The following NSMCE2 variants were observed in gnomAD, a reference collection of about 807,000 sequenced individuals.
NSMCE2 encodes NSE2 SUMO ligase component of SMC5/6 complex.
Under a neutral mutation model 23.8 loss-of-function variants are expected in NSMCE2, and 24 were observed. The observed-to-expected ratio is 1.01, with a 90% CI of 0.73 to 1.42. The LOEUF is 1.42. NSMCE2 is among the 40% of genes most tolerant of loss of function. NSMCE2 has a pLI of 0.00. For missense variants in NSMCE2, 284 were observed against 296.5 expected, an observed-to-expected ratio of 0.96 and a Z score of 0.31; for synonymous variants, 92 against 94.1, an observed-to-expected ratio of 0.98 and a Z score of 0.13.
chr8:125,256,535 TTAAGCTGTAA>T (rs1826424504), intron 5 of NSMCE2, among the ~76,000 whole-genome samples: 1 of 152,016 alleles, frequency 6.6e-6, no homozygotes. Context: ...TAAAGGAGAT[TTAAGCTGTAA>T]GAAAAGATTT....
Position 125,366,864 on chromosome 8 carries a change from A to G in NSMCE2, c.723A>G (p.Lys241=), listed in dbSNP as rs749064735. 1.2e-6 allele frequency: 2 copies of G among 1,608,106 alleles called. No homozygotes were observed. The highest frequency in any genetic ancestry group is 2.2e-5 in the South Asian group (2 of 90,950). The change falls in exon 8 of 8, where the codon AAA becomes AAG. Residue 241 remains lysine, a synonymous_variant. Transcript: ENST00000287437. ...GGGCAATTGAGAACCATAACAAGAAAAGACATCGTCATTCCGAGTAGGAAA... is the reference window on the plus strand; with the variant it reads ...GGGCAATTGAGAACCATAACAAGAAGAGACATCGTCATTCCGAGTAGGAAA... The part of the protein sequence containing the change: ...LRRAIENHNK[K]RHRHSE
At chr8:125,205,826 T>A (rs5007394) in intron 5 of NSMCE2, among the ~76,000 whole-genome samples, 55,644 of 152,000 alleles carry the variant, frequency 0.37, 13,746 homozygotes, top group African/African-American at 0.7. Context: ...AAATATGCTA[T>A]CTCTGATGGT....
chr8:125,106,616 C>T (rs1047331376), intron 3 of NSMCE2, among the ~76,000 whole-genome samples: 13 of 151,260 alleles, frequency 8.6e-5, no homozygotes, highest in East Asian at 1.9e-4. Flanking sequence ...ACCTGGGAGG[C>T]GGAGGTTGCA....
chr8:125,115,439 AT>A (rs1425189908), intron 3 of NSMCE2, among the ~76,000 whole-genome samples: 2 of 152,232 alleles, frequency 1.3e-5, no homozygotes, highest in African/African-American at 2.4e-5. Context: ...TCTTGGAAAT[AT>A]GTGAAAGATG....
At chr8:125,320,238 AGGGAGGG>A (rs1829379331) in intron 5 of NSMCE2, among the ~76,000 whole-genome samples, 5 of 37,932 alleles carry the variant, frequency 1.3e-4, no homozygotes, top group South Asian at 1.3e-3. Context: ...GAGGGAAGGG[AGGGAGGG>A]AGGGAGGGAA....
At chr8:125,330,418 C>T (rs935890272) in intron 5 of NSMCE2, among the ~76,000 whole-genome samples, 7 of 151,998 alleles carry the variant, frequency 4.6e-5, no homozygotes, top group Non-Finnish European at 8.8e-5. Context: ...TCAAGTGATC[C>T]ACCCACCTCG....
intron 5 of NSMCE2, among the ~76,000 whole-genome samples, chr8:125,201,160 G>A (rs1300713302): frequency 6.6e-6 from 1 of 152,220 alleles, no homozygotes; most frequent in African/African-American, 2.4e-5. Context: ...ACCTTCTGAA[G>A]CCTACTTCTG....
intron 4 of NSMCE2, among the ~76,000 whole-genome samples, chr8:125,170,728 C>T (rs1373890881): frequency 6.6e-6 from 1 of 152,008 alleles, no homozygotes; most frequent in African/African-American, 2.4e-5. Flanking sequence ...TTTCTACCTA[C>T]AACATGTATT....
At chr8:125,217,602 G>A (rs1371331869) in intron 5 of NSMCE2, among the ~76,000 whole-genome samples, 2 of 152,022 alleles carry the variant, frequency 1.3e-5, no homozygotes, top group Middle Eastern at 3.2e-3. Context: ...TCCTGACCTC[G>A]TGATCCACCT....
chr8:125,322,026 T>C (rs999641745), intron 5 of NSMCE2, among the ~76,000 whole-genome samples: 9 of 152,212 alleles, frequency 5.9e-5, no homozygotes, highest in South Asian at 2.1e-4. Context: ...TATTTTTTTG[T>C]TTATTTCAAT....
chr8:125,333,735 G>C (rs528927086), intron 5 of NSMCE2, among the ~76,000 whole-genome samples: 51 of 151,680 alleles, frequency 3.4e-4, no homozygotes, highest in African/African-American at 1.2e-3. Context: ...GGATGGTCTC[G>C]ATCTCCTGAC....
chr8:125,270,392 G>T (rs1563754617), intron 5 of NSMCE2, among the ~76,000 whole-genome samples: 1 of 152,180 alleles, frequency 6.6e-6, no homozygotes, highest in Non-Finnish European at 1.5e-5. Context: ...TTGAACCCAG[G>T]AGGTGGAGGT....
chr8:125,311,116 G>T (rs1274200083), intron 5 of NSMCE2, among the ~76,000 whole-genome samples: 1 of 152,172 alleles, frequency 6.6e-6, no homozygotes, highest in Non-Finnish European at 1.5e-5. Flanking sequence ...GAAAGATTTT[G>T]CTCTGGGGAC....
chr8:125,250,796 G>A (rs752364095), intron 5 of NSMCE2, among the ~76,000 whole-genome samples: 2 of 151,916 alleles, frequency 1.3e-5, no homozygotes, highest in South Asian at 2.1e-4. Flanking sequence ...GATAACAAGC[G>A]TGAGCCACCA....
chr8:125,339,340 CACTAG>C (rs1425929260), intron 5 of NSMCE2, among the ~76,000 whole-genome samples: 1 of 152,130 alleles, frequency 6.6e-6, no homozygotes, highest in Non-Finnish European at 1.5e-5. Flanking sequence ...TCTGCCCCAA[CACTAG>C]ACTAGAGTCC....
At chr8:125,177,549 C>A (rs1388235673) in intron 4 of NSMCE2, among the ~76,000 whole-genome samples, 1 of 152,190 alleles carries the variant, frequency 6.6e-6, no homozygotes, top group East Asian at 1.9e-4. Flanking sequence ...TCACCCACAT[C>A]ATCTGAGCAC....
At chr8:125,214,231 G>C (rs1414134440) in intron 5 of NSMCE2, among the ~76,000 whole-genome samples, 1 of 152,118 alleles carries the variant, frequency 6.6e-6, no homozygotes, top group Non-Finnish European at 1.5e-5. Flanking sequence ...GAATACCAAG[G>C]GTCAATAGCA....
intron 5 of NSMCE2, among the ~76,000 whole-genome samples, chr8:125,354,104 G>T (rs1334696977): frequency 6.6e-6 from 1 of 151,478 alleles, no homozygotes; most frequent in African/African-American, 2.4e-5. Flanking sequence ...GCTAATTTTT[G>T]TATTTTTAGT....
chr8:125,238,695 G>T (rs1367583268), intron 5 of NSMCE2, among the ~76,000 whole-genome samples: 1 of 151,934 alleles, frequency 6.6e-6, no homozygotes, highest in Non-Finnish European at 1.5e-5. Context: ...TTTATTTTAA[G>T]ATTTAAAATA....
Sources: gnomAD v4.1 joint callset for allele counts (sites outside exome capture counted in the v4.1 genomes callset) on GRCh38, gnomAD v4.1.1 for gene constraint, MANE v1.5 for transcripts, NCBI Gene and HGNC (gene_info 2026-07-23, HGNC 2026-07-21) for gene names.